Variants in GPC5 observed in about 807,000 individuals in gnomAD.
GPC5 encodes glypican-5.
A neutral mutation model predicts 53.9 loss-of-function variants in GPC5; 47 were observed. The ratio of observed to expected loss-of-function variants is 0.87; its 90% confidence interval spans 0.69 to 1.11. GPC5 has a LOEUF of 1.11. Ranked by LOEUF, GPC5 falls within the 50% of genes most tolerant of loss-of-function variation. The probability of loss-of-function intolerance (pLI) is 0.00; values close to 1 mark genes in which losing one functional copy is unlikely to be tolerated. For synonymous variants in GPC5, 286 were observed against 263.3 expected, an observed-to-expected ratio of 1.09 and a Z score of -0.84; for missense variants, 748 against 713.1, an observed-to-expected ratio of 1.05 and a Z score of -0.56.
intron 7 of GPC5, among the ~76,000 whole-genome samples, chr13:92,353,060 A>T (rs1234375766): frequency 6.6e-6 from 1 of 151,810 alleles, no homozygotes; most frequent in African/African-American, 2.4e-5. Context: ...GGAGATCGAG[A>T]CCATCCTGGC....
intron 7 of GPC5, among the ~76,000 whole-genome samples, chr13:92,732,542 CCT>C (rs1408845004): frequency 7.1e-6 from 1 of 139,962 alleles, no homozygotes. Context: ...TTCCGTTTAT[CCT>C]TTTTGTAAAT....
At chr13:91,436,031 A>G (rs991364428) in intron 1 of GPC5, among the ~76,000 whole-genome samples, 4 of 152,102 alleles carry the variant, frequency 2.6e-5, no homozygotes, top group Non-Finnish European at 4.4e-5. Context: ...ATTGGTGGTG[A>G]TATCCCCTTT....
chr13:91,620,595 A>G (rs958009981), intron 2 of GPC5, among the ~76,000 whole-genome samples: 2 of 152,146 alleles, frequency 1.3e-5, no homozygotes, highest in African/African-American at 4.8e-5. Context: ...CTCATGCCAT[A>G]AGATGGCTTA....
intron 7 of GPC5, among the ~76,000 whole-genome samples, chr13:92,695,963 C>T (rs550859199): frequency 6.6e-6 from 1 of 152,018 alleles, no homozygotes; most frequent in South Asian, 2.1e-4. Context: ...GTTTTTTGTT[C>T]CTGTGTTAGT....
intron 7 of GPC5, among the ~76,000 whole-genome samples, chr13:92,153,561 T>C (rs1252037465): frequency 6.6e-6 from 1 of 152,208 alleles, no homozygotes; most frequent in African/African-American, 2.4e-5. Flanking sequence ...ATATGAACAA[T>C]GTTGTTCTAA....
rs188786758 is a variant in GPC5, at chr13:92,016,596, C to T, written c.1401+108539C>T. On this transcript the variant is annotated intron_variant, in intron 6 of 7. Transcript: ENST00000377067. Reference sequence around the variant, plus strand: ...TGCTTAATGTATTACTGCCAATACACGCCTAAGCTTTTAAATGGTGTGAAT... The same window carrying T: ...TGCTTAATGTATTACTGCCAATACATGCCTAAGCTTTTAAATGGTGTGAAT... Among the ~76,000 whole-genome samples, 11 of 152,238 alleles carry T rather than the reference C, an allele frequency of 7.2e-5. No individual in the cohort carries two copies. The East Asian group carries it at 1.9e-3, about 27-fold the overall frequency.
At chr13:92,298,345 T>A (rs1356007297) in intron 7 of GPC5, among the ~76,000 whole-genome samples, 4 of 152,182 alleles carry the variant, frequency 2.6e-5, no homozygotes, top group Non-Finnish European at 5.9e-5. Flanking sequence ...TTCAGGAGGC[T>A]TCTCAATCAG....
At chr13:91,945,453 C>T (rs772487909) in intron 6 of GPC5, among the ~76,000 whole-genome samples, 2 of 152,056 alleles carry the variant, frequency 1.3e-5, no homozygotes, top group Non-Finnish European at 2.9e-5. Flanking sequence ...GTGTTCATTC[C>T]TATTTTCATC....
chr13:91,964,437 T>G (rs1480136578), intron 6 of GPC5, among the ~76,000 whole-genome samples: 2 of 152,166 alleles, frequency 1.3e-5, no homozygotes, highest in Admixed American at 6.5e-5. Context: ...GAGTGCTGAT[T>G]GGTCTGTTTT....
intron 6 of GPC5, among the ~76,000 whole-genome samples, chr13:92,034,085 G>GGATT (rs2040874467): frequency 6.6e-6 from 1 of 151,936 alleles, no homozygotes; most frequent in African/African-American, 2.4e-5. Flanking sequence ...CCAACACAAT[G>GGATT]GATTTCTAAT....
intron 1 of GPC5, among the ~76,000 whole-genome samples, chr13:91,420,429 G>A (rs949887222): frequency 3.3e-5 from 5 of 152,028 alleles, no homozygotes; most frequent in East Asian, 1.9e-4. Flanking sequence ...AGGAGTCTCC[G>A]TTTTGGGGAC....
At chr13:92,811,054 G>A (rs1394961061) in intron 7 of GPC5, among the ~76,000 whole-genome samples, 1 of 151,870 alleles carries the variant, frequency 6.6e-6, no homozygotes, top group East Asian at 1.9e-4. Context: ...CCATGTATCA[G>A]AACTTCATTC....
intron 2 of GPC5, among the ~76,000 whole-genome samples, chr13:91,604,414 T>C (rs963932439): frequency 2.8e-4 from 42 of 152,032 alleles, no homozygotes; most frequent in South Asian, 6.2e-4. Context: ...AATAAACATA[T>C]GGGTGCATGT....
chr13:91,582,757 A>C (rs2139098377), intron 2 of GPC5, among the ~76,000 whole-genome samples: 1 of 152,296 alleles, frequency 6.6e-6, no homozygotes, highest in South Asian at 2.1e-4. Flanking sequence ...TCACGCCTGT[A>C]ATCCCAGCAC....
chr13:92,368,916 T>A (rs577643561), intron 7 of GPC5, among the ~76,000 whole-genome samples: 1 of 152,288 alleles, frequency 6.6e-6, no homozygotes, highest in South Asian at 2.1e-4. Flanking sequence ...CTGTTACCAT[T>A]TTTTAAGTAT....
intron 7 of GPC5, among the ~76,000 whole-genome samples, chr13:92,641,354 G>A (rs1885588974): frequency 6.6e-6 from 1 of 151,920 alleles, no homozygotes; most frequent in African/African-American, 2.4e-5. Flanking sequence ...CTCAAATGAA[G>A]AAACATCCGG....
At chr13:91,681,529 T>A (rs1467687051) in intron 2 of GPC5, among the ~76,000 whole-genome samples, 1 of 152,220 alleles carries the variant, frequency 6.6e-6, no homozygotes, top group African/African-American at 2.4e-5. Context: ...ACCTAAATCT[T>A]TTCCCTGAAT....
At chr13:91,729,333 T>C (rs2036644655) in intron 4 of GPC5, among the ~76,000 whole-genome samples, 1 of 152,130 alleles carries the variant, frequency 6.6e-6, no homozygotes, top group Admixed American at 6.6e-5. Flanking sequence ...AATGTAAAGC[T>C]CTTAAAACTA....
At chr13:91,856,130 C>T (rs567582199) in intron 5 of GPC5, among the ~76,000 whole-genome samples, 1 of 151,454 alleles carries the variant, frequency 6.6e-6, no homozygotes, top group African/African-American at 2.4e-5. Context: ...TCATTGTTTT[C>T]ATTGCTAAGT....
Sources: gnomAD v4.1 joint callset for allele counts (sites outside exome capture counted in the v4.1 genomes callset) on GRCh38, gnomAD v4.1.1 for gene constraint, MANE v1.5 for transcripts, NCBI Gene and HGNC (gene_info 2026-07-23, HGNC 2026-07-21) for gene names.